Variants in PPP1R16B observed in about 807,000 individuals in gnomAD.
PPP1R16B encodes the protein protein phosphatase 1 regulatory subunit 16B, also known as protein phosphatase 1 regulatory inhibitor subunit 16B.
A neutral mutation model predicts 61.7 loss-of-function variants in PPP1R16B; 14 were observed. The ratio of observed to expected loss-of-function variants is 0.23; its 90% confidence interval spans 0.15 to 0.35. The LOEUF is 0.35. Among genes scored for constraint, PPP1R16B ranks in the 10% least tolerant of loss-of-function variants. PPP1R16B has a pLI of 1.00. For synonymous variants in PPP1R16B, 266 were observed against 305.3 expected (o/e 0.87, Z 1.34); for missense variants, 547 against 752.5 (o/e 0.73, Z 3.19).
intron 1 of PPP1R16B, among the ~76,000 whole-genome samples, chr20:38,809,996 A>AC (rs1316652432): frequency 7.4e-5 from 11 of 147,968 alleles, no homozygotes; most frequent in Non-Finnish European, 1.3e-4. Flanking sequence ...AAAAAAAAAA[A>AC]AAAAAAAAAA....
chr20:38,817,041 T>C (rs758300722), intron 1 of PPP1R16B, among the ~76,000 whole-genome samples: 1 of 152,200 alleles, frequency 6.6e-6, no homozygotes, highest in Non-Finnish European at 1.5e-5. Context: ...CTCCCACGTA[T>C]TGAATACCTA....
At chr20:38,818,274 A>G (rs868527127) in intron 1 of PPP1R16B, among the ~76,000 whole-genome samples, 4 of 152,336 alleles carry the variant, frequency 2.6e-5, no homozygotes, top group South Asian at 2.1e-4. Flanking sequence ...CAATTTATGC[A>G]TAGTACCTGG....
intron 2 of PPP1R16B, among the ~76,000 whole-genome samples, chr20:38,887,563 G>C (rs943630688): frequency 3.9e-5 from 6 of 152,200 alleles, no homozygotes; most frequent in African/African-American, 1.2e-4. Flanking sequence ...TTTCCAAGAA[G>C]ATGAAAATGG....
At chr20:38,852,036 C>T (rs145858013) in intron 2 of PPP1R16B, among the ~76,000 whole-genome samples, 47 of 151,768 alleles carry the variant, frequency 3.1e-4, no homozygotes, top group African/African-American at 9.7e-4. Context: ...CTGTATCTCG[C>T]GGGGACGGCG....
chr20:38,850,821 A>G (rs1200215854), intron 2 of PPP1R16B, among the ~76,000 whole-genome samples: 1 of 151,790 alleles, frequency 6.6e-6, no homozygotes, highest in Non-Finnish European at 1.5e-5. Flanking sequence ...TACAAAAAAT[A>G]ACCAGGTGTG....
At chr20:38,902,836 G>T (rs748385625) in intron 6 of PPP1R16B, 44 bp downstream of exon 6, 4 of 1,612,534 alleles carry the variant, frequency 2.5e-6, no homozygotes, top group Admixed American at 1.7e-5. Flanking sequence ...AGCTAGGTCC[G>T]AAGTGGGCCA....
chr20:38,907,756 GC>G lies in PPP1R16B; in HGVS notation c.899-48del. On this transcript the variant is annotated intron_variant, in intron 8 of 10. Transcript: ENST00000299824. The surrounding 1 kb of genome is among the most constrained non-coding windows in gnomAD (Gnocchi z 4.5). ...CCTCTGGTCTGGAGCACCCTCTTGC[GC>G]CACAGGTCCTGGCCCCGTCCCCCAC... 1.2e-6 allele frequency: 2 copies of G among 1,603,228 alleles called. No homozygotes were observed. The highest frequency in any genetic ancestry group is 1.1e-5 in the South Asian group (1 of 90,122).
At position 38,907,790 on chromosome 20, in the gene PPP1R16B, T is replaced by C. The variant is rs778279285; in HGVS notation, c.899-16T>C. The C allele has an allele frequency of 4.3e-6, 7 of 1,613,746 alleles. No individual in the cohort carries two copies. The South Asian group carries it at 6.6e-5, about 15-fold the overall frequency. On this transcript the variant is annotated splice_polypyrimidine_tract_variant and intron_variant, in intron 8 of 10. Transcript: ENST00000299824. This position sits in a 1 kb window ranked among gnomAD's most constrained non-coding sequence, Gnocchi z 4.5. ...CCTGGCCCCGTCCCCCACAACAGACTCCTCTGCCCCTTCAGACCTGTGCGA... is the reference window on the plus strand; with the variant it reads ...CCTGGCCCCGTCCCCCACAACAGACCCCTCTGCCCCTTCAGACCTGTGCGA...
At chr20:38,863,733 T>C (rs1172527087) in intron 2 of PPP1R16B, among the ~76,000 whole-genome samples, 2 of 152,190 alleles carry the variant, frequency 1.3e-5, no homozygotes, top group African/African-American at 4.8e-5. Context: ...TAGTAGGTGC[T>C]CAATAGAGGT....
At chr20:38,901,960 A>T (rs1290823242) in intron 5 of PPP1R16B, among the ~76,000 whole-genome samples, 16 of 152,246 alleles carry the variant, frequency 1.1e-4, no homozygotes, top group Admixed American at 1.0e-3. Flanking sequence ...TTTAAAGCTT[A>T]GTCAAAAGAA....
At chr20:38,897,856 G>T (rs750351062) in intron 4 of PPP1R16B, among the ~76,000 whole-genome samples, 1 of 152,192 alleles carries the variant, frequency 6.6e-6, no homozygotes, top group East Asian at 1.9e-4. Context: ...GATGAGTGAC[G>T]TTGAGCATCT....
chr20:38,903,390 G>A (rs4810240), intron 6 of PPP1R16B, among the ~76,000 whole-genome samples: 51,156 of 151,822 alleles, frequency 0.34, 8,844 homozygotes, highest in Middle Eastern at 0.52. Context: ...CCCTGCCTTA[G>A]TATCACCTCT....
chr20:38,868,606 C>T (rs2145742739), intron 2 of PPP1R16B, among the ~76,000 whole-genome samples: 1 of 152,338 alleles, frequency 6.6e-6, no homozygotes, highest in South Asian at 2.1e-4. Flanking sequence ...TGGTCTTGAA[C>T]TCCTGGCCTC....
At chr20:38,815,001 T>C (rs2084726190) in intron 1 of PPP1R16B, among the ~76,000 whole-genome samples, 1 of 152,236 alleles carries the variant, frequency 6.6e-6, no homozygotes, top group African/African-American at 2.4e-5. Flanking sequence ...AATTACCTTA[T>C]AAAAATATAG....
At chr20:38,899,729 GT>G in intron 4 of PPP1R16B, among the ~76,000 whole-genome samples, 2 of 152,090 alleles carry the variant, frequency 1.3e-5, no homozygotes, top group Non-Finnish European at 2.9e-5. Flanking sequence ...GAGAGACCTG[GT>G]TTTGAGTCTG....
intron 2 of PPP1R16B, among the ~76,000 whole-genome samples, chr20:38,846,848 T>C (rs955207659): frequency 4.0e-5 from 6 of 151,822 alleles, no homozygotes; most frequent in African/African-American, 1.5e-4. Context: ...TACACGAAAT[T>C]TAAAAAATTA....
chr20:38,814,294 T>C (rs2084721179), intron 1 of PPP1R16B, among the ~76,000 whole-genome samples: 1 of 152,200 alleles, frequency 6.6e-6, no homozygotes, highest in Non-Finnish European at 1.5e-5. Flanking sequence ...CTTCTCTTTA[T>C]GGGGCTATCC....
intron 1 of PPP1R16B, among the ~76,000 whole-genome samples, chr20:38,808,976 T>G (rs1450070584): frequency 6.6e-6 from 1 of 151,588 alleles, no homozygotes; most frequent in Non-Finnish European, 1.5e-5. Context: ...GAGGTTGCAA[T>G]GAGCCGAGAT....
At chr20:38,915,782 G>A (rs756726752) in intron 10 of PPP1R16B, among the ~76,000 whole-genome samples, 2 of 151,850 alleles carry the variant, frequency 1.3e-5, no homozygotes, top group African/African-American at 2.4e-5. Flanking sequence ...GAGCCACCAC[G>A]CTCGGCCTGT....
Sources: allele counts gnomAD v4.1 joint callset (sites outside exome capture counted in the v4.1 genomes callset), GRCh38; gene constraint gnomAD v4.1.1; non-coding constraint Gnocchi (gnomAD v3.1); transcripts MANE v1.5; gene names NCBI Gene and HGNC (gene_info 2026-07-23, HGNC 2026-07-21).